The following GALR2 variants were observed in gnomAD, a reference collection of about 807,000 sequenced individuals.
The protein encoded by GALR2 is galanin receptor type 2.
GALR2 carries 5 observed loss-of-function variants against 7.2 expected under a neutral mutation model. The ratio of observed to expected loss-of-function variants is 0.69; its 90% CI spans 0.36 to 1.45. GALR2 has a LOEUF of 1.45. Ranked by LOEUF, GALR2 falls within the 40% of genes most tolerant of loss-of-function variation. The pLI, the probability that GALR2 is intolerant of heterozygous loss-of-function variation, is 0.03. For missense variants in GALR2, 561 were observed against 555.7 expected (o/e 1.01, Z -0.10); for synonymous variants, 300 against 263.9 (o/e 1.14, Z -1.32).
In GALR2 at chr17:76,076,622, C is replaced by T. The variant is rs751603857; in HGVS notation, c.369-14C>T. ...CCCGCTCAGCCGACGTCTCCCTTCC[C>T]GGTCTGACCGCAGGTATCTGGCCAT... On this transcript the variant is annotated splice_polypyrimidine_tract_variant and intron_variant, in intron 1 of 1. Coordinates refer to ENST00000329003, the MANE Select transcript of GALR2 (RefSeq NM_003857.4). The surrounding 1 kb of genome is among the most constrained non-coding windows in gnomAD (Gnocchi z 6.5). The T allele has an allele frequency of 4.5e-6, 7 of 1,550,970 alleles. No individual in the cohort carries two copies. Among genetic ancestry groups the T allele is most frequent in the Non-Finnish European group, 6.1e-6 (7 of 1,149,720 alleles).
upstream of GALR2, chr17:76,072,451 C>T (rs2066863683): frequency 1.3e-6 from 2 of 1,578,206 alleles, no homozygotes; most frequent in South Asian, 1.1e-5. The surrounding 1 kb of genome is among the most constrained non-coding windows in gnomAD (Gnocchi z 4.5). Context: ...GCCACTGCCG[C>T]CGCCGCCGCC....
In GALR2 at chr17:76,075,330, A is replaced by G. The variant is rs967326285; in HGVS notation, c.368+79A>G. 6.8e-7 allele frequency: 1 copy of G among 1,462,450 alleles called. No individual in the cohort carries two copies. Among genetic ancestry groups the G allele is most frequent in the Non-Finnish European group, 9.3e-7 (1 of 1,078,670 alleles). 90.6% of individuals were successfully genotyped at this position (1,462,450 alleles called of 1,614,324 possible). A position where few individuals can be genotyped will look rare whatever the true frequency, so the allele number is the denominator to read the frequency against. ...GCGGGAGGCGGGACTGGGGACCAAG[A>G]AGGGACGCGCAGAGTGGGACAGGAC... On this transcript the variant is annotated intron_variant, in intron 1 of 1. Transcript: ENST00000329003. This position sits in a 1 kb window ranked among gnomAD's most constrained non-coding sequence, Gnocchi z 5.9.
Position 76,076,962 on chromosome 17 carries a change from G to A in GALR2, c.695G>A (p.Arg232His), listed in dbSNP as rs369479330. 6 of 1,604,258 alleles carry A rather than the reference G, an allele frequency of 3.7e-6. No homozygotes were observed. Among genetic ancestry groups the A allele is most frequent in the Non-Finnish European group, 5.1e-6 (6 of 1,178,826 alleles). Residue 232 changes from arginine to histidine, a missense_variant, in exon 2 of 2, where the codon CGC becomes CAC. Arg to His is a conservative substitution (Grantham distance 29). Transcript: ENST00000329003. The surrounding 1 kb of genome is among the most constrained non-coding windows in gnomAD (Gnocchi z 6.5). ...AAGSGARRAK[R>H]KVTRMILIVA... The stretch of plus-strand genomic sequence containing the variant: ...GGCTCGGGTGCCCGGCGCGCCAAGC[G>A]CAAGGTGACACGCATGATCCTCATC...
rs1474389219 is a variant in GALR2, at chr17:76,075,916, T to TG, written c.368+669dup. On this transcript the variant is annotated intron_variant, in intron 1 of 1. Transcript: ENST00000329003. This position sits in a 1 kb window ranked among gnomAD's most constrained non-coding sequence, Gnocchi z 5.9. ...TCGGGGCCGGGAGAGGAGCGTGCCC[T>TG]GGGGTTCTTCCTCCCCAGCCAGAGG... Among the ~76,000 whole-genome samples the TG allele has an allele frequency of 6.6e-5, 10 of 152,172 alleles. No homozygotes were observed. The highest frequency in any genetic ancestry group is 8.8e-5 in the Non-Finnish European group (6 of 68,020).
chr17:76,072,783 T>G (rs1598274135), upstream of GALR2: 1 of 548,962 alleles, frequency 1.8e-6, no homozygotes, highest in Non-Finnish European at 3.1e-6. This position sits in a 1 kb window ranked among gnomAD's most constrained non-coding sequence, Gnocchi z 4.5. Context: ...GAACCGGAGG[T>G]GGACCCCAGG....
chr17:76,074,839 C>T lies in GALR2; in HGVS notation c.-45C>T. 6.9e-7 allele frequency: 1 copy of T among 1,455,090 alleles called. No homozygotes were observed. Among genetic ancestry groups the T allele is most frequent in the Non-Finnish European group, 9.0e-7 (1 of 1,109,116 alleles). The allele number at this position is 1,455,090 out of a possible 1,614,324, so 90.1% of individuals were successfully genotyped here. On this transcript the variant is annotated 5_prime_UTR_variant, in exon 1 of 2. Coordinates refer to ENST00000329003, the MANE Select transcript of GALR2 (RefSeq NM_003857.4). This position sits in a 1 kb window ranked among gnomAD's most constrained non-coding sequence, Gnocchi z 6.7. ...CCGGGAGCTTCCCGCTCGCGGAGAC[C>T]CAGACGGCTGCAGGAGCCCGGGCAG... is the stretch of plus-strand genomic sequence containing the variant.
At chr17:76,072,887 G>A (rs2066867891), upstream of GALR2, among the ~76,000 whole-genome samples, 1 of 152,222 alleles carries the variant, frequency 6.6e-6, no homozygotes, top group Non-Finnish European at 1.5e-5. This position sits in a 1 kb window ranked among gnomAD's most constrained non-coding sequence, Gnocchi z 4.5. Flanking sequence ...GCATCCCCAG[G>A]GACTCAAGAG....
chr17:76,072,061 AC>A, upstream of GALR2: 1 of 671,030 alleles, frequency 1.5e-6, no homozygotes, highest in South Asian at 2.0e-5. The surrounding 1 kb of genome is among the most constrained non-coding windows in gnomAD (Gnocchi z 4.5). Context: ...ACCAGGGGAA[AC>A]CTGCCTGATA....
In GALR2 at chr17:76,076,939, C is replaced by G; in HGVS notation, c.672C>G (p.Gly224=). 1 of 1,602,052 alleles carries G rather than the reference C, an allele frequency of 6.2e-7. No homozygotes were observed. The highest frequency in any genetic ancestry group is 1.1e-5 in the South Asian group (1 of 90,966). Residue 224 remains glycine (G), a synonymous_variant, in exon 2 of 2, where the codon GGC becomes GGG. Coordinates refer to ENST00000329003, the MANE Select transcript of GALR2 (RefSeq NM_003857.4). The surrounding 1 kb of genome is among the most constrained non-coding windows in gnomAD (Gnocchi z 6.5). ...GCGCCGTCGACCCGGTGGCCGCGGG[C>G]TCGGGTGCCCGGCGCGCCAAGCGCA... ...LWRAVDPVAA[G]SGARRAKRKV... is the part of the protein sequence containing the mutation.
chr17:76,072,109 C>T, upstream of GALR2: 1 of 1,051,186 alleles, frequency 9.5e-7, no homozygotes, highest in Non-Finnish European at 1.4e-6. The surrounding 1 kb of genome is among the most constrained non-coding windows in gnomAD (Gnocchi z 4.5). Flanking sequence ...CTAGCCAGGA[C>T]GGCGAGGGGG....
chr17:76,072,591 G>T (rs1052150672), upstream of GALR2: 1 of 1,481,452 alleles, frequency 6.8e-7, no homozygotes, highest in Non-Finnish European at 8.8e-7. This position sits in a 1 kb window ranked among gnomAD's most constrained non-coding sequence, Gnocchi z 4.5. Context: ...GATAGCGGCG[G>T]ACTCCGCCGC....
In GALR2 at chr17:76,075,648, C is replaced by T. The variant is rs1270810366; in HGVS notation, c.368+397C>T. Among the ~76,000 whole-genome samples the T allele has an allele frequency of 2.6e-5, 4 of 152,194 alleles. 1 individual carries two copies. Among genetic ancestry groups the T allele is most frequent in the African/African-American group, 9.7e-5 (4 of 41,440 alleles). On this transcript the variant is annotated intron_variant, in intron 1 of 1. Coordinates refer to ENST00000329003, the MANE Select transcript of GALR2 (RefSeq NM_003857.4). The surrounding 1 kb of genome is among the most constrained non-coding windows in gnomAD (Gnocchi z 5.9). ...TCGCTCAGAGTCGCCAGCCAGGGAT[C>T]GGGTGCGTGAAGTGACCGTCTGTCT...
Position 76,076,801 on chromosome 17 carries a change from G to T in GALR2, c.534G>T (p.Ala178=). ...QLANLTVCHP[A]WSAPRRRAMD... is the part of the protein sequence containing the mutation. Reference sequence around the variant, plus strand: ...CCAACCTGACCGTGTGCCATCCCGCGTGGAGCGCCCCTCGCCGCCGCGCCA... The same window carrying T: ...CCAACCTGACCGTGTGCCATCCCGCTTGGAGCGCCCCTCGCCGCCGCGCCA... The change falls in exon 2 of 2, where the codon GCG becomes GCT. Residue 178 remains alanine (A), a synonymous_variant. Coordinates refer to ENST00000329003, the MANE Select transcript of GALR2 (RefSeq NM_003857.4). This position sits in a 1 kb window ranked among gnomAD's most constrained non-coding sequence, Gnocchi z 6.5. 1 of 1,605,788 alleles carries T rather than the reference G, an allele frequency of 6.2e-7. No homozygotes were observed. Among genetic ancestry groups the T allele is most frequent in the East Asian group, 2.2e-5 (1 of 44,866 alleles).
Position 76,074,828 on chromosome 17 carries a change from C to A in GALR2, c.-56C>A. On this transcript the variant is annotated 5_prime_UTR_variant, in exon 1 of 2. Transcript: ENST00000329003. The surrounding 1 kb of genome is among the most constrained non-coding windows in gnomAD (Gnocchi z 6.7). ...CGGCCGCAGCCCCGGGAGCTTCCCGCTCGCGGAGACCCAGACGGCTGCAGG... is the reference window on the plus strand; with the variant it reads ...CGGCCGCAGCCCCGGGAGCTTCCCGATCGCGGAGACCCAGACGGCTGCAGG... 7.0e-7 allele frequency: 1 copy of A among 1,438,180 alleles called. No homozygotes were observed. The highest frequency in any genetic ancestry group is 9.1e-7 in the Non-Finnish European group (1 of 1,102,182). 89.1% of individuals were successfully genotyped at this position (1,438,180 alleles called of 1,614,324 possible). A position where few individuals can be genotyped will look rare whatever the true frequency, so the allele number is the denominator to read the frequency against.
rs1171113544 is a variant in GALR2, at chr17:76,074,822, T to C, written c.-62T>C. ...TTGCAGCGGCCGCAGCCCCGGGAGC[T>C]TCCCGCTCGCGGAGACCCAGACGGC... On this transcript the variant is annotated 5_prime_UTR_variant, in exon 1 of 2. Transcript: ENST00000329003. This position sits in a 1 kb window ranked among gnomAD's most constrained non-coding sequence, Gnocchi z 6.7. 1 of 1,434,222 alleles carries C rather than the reference T, an allele frequency of 7.0e-7. No individual in the cohort carries two copies. The highest frequency in any genetic ancestry group is 1.5e-5 in the African/African-American group (1 of 68,800). The allele number at this position is 1,434,222 out of a possible 1,614,324, so 88.8% of individuals were successfully genotyped here.
At chr17:76,073,843 G>A (rs77295955), upstream of GALR2, among the ~76,000 whole-genome samples, 1,774 of 151,778 alleles carry the variant, frequency 0.012, 26 homozygotes, top group African/African-American at 0.04. Context: ...ACGTTCAATG[G>A]GTAAGAGAAG....
chr17:76,074,211 A>G (rs1345114830), upstream of GALR2, among the ~76,000 whole-genome samples: 3 of 145,352 alleles, frequency 2.1e-5, no homozygotes, highest in East Asian at 2.0e-4. The surrounding 1 kb of genome is among the most constrained non-coding windows in gnomAD (Gnocchi z 6.7). Context: ...AGCCCCTCAG[A>G]AGGCCGAGGC....
upstream of GALR2, among the ~76,000 whole-genome samples, chr17:76,072,844 A>G (rs2066867667): frequency 1.3e-5 from 2 of 152,252 alleles, no homozygotes; most frequent in African/African-American, 4.8e-5. The surrounding 1 kb of genome is among the most constrained non-coding windows in gnomAD (Gnocchi z 4.5). Flanking sequence ...AGCAGAAAGC[A>G]GGAGACCAAA....
chr17:76,074,166 A>T (rs1598274673), upstream of GALR2, among the ~76,000 whole-genome samples: 1 of 151,684 alleles, frequency 6.6e-6, no homozygotes, highest in African/African-American at 2.4e-5. The surrounding 1 kb of genome is among the most constrained non-coding windows in gnomAD (Gnocchi z 6.7). Context: ...AATACAAAAA[A>T]CTAGCCAGAC....
Sources: gnomAD v4.1 joint callset for allele counts (sites outside exome capture counted in the v4.1 genomes callset) on GRCh38, gnomAD v4.1.1 for gene constraint, Gnocchi (gnomAD v3.1) non-coding constraint, MANE v1.5 for transcripts, NCBI Gene and HGNC (gene_info 2026-07-23, HGNC 2026-07-21) for gene names.